ANKRD11: variants seen among roughly 807,000 people sequenced by gnomAD.
ANKRD11 encodes the protein ankyrin repeat domain 11, also known as ankyrin repeat domain-containing protein 11.
Under a neutral mutation model 195.7 loss-of-function variants are expected in ANKRD11, and 17 were observed. The observed-to-expected ratio is 0.09, with a 90% CI of 0.06 to 0.13. The LOEUF is 0.13. Among genes scored for constraint, ANKRD11 ranks in the 10% least tolerant of loss-of-function variants. The pLI, the probability that ANKRD11 is intolerant of heterozygous loss-of-function variation, is 1.00. For synonymous variants in ANKRD11, 1,953 were observed against 1,528.1 expected (o/e 1.28, Z -6.49); for missense variants, 3,735 against 3,566.1 (o/e 1.05, Z -1.21).
At chr16:89,481,220 A>G (rs575502341) in intron 1 of ANKRD11, among the ~76,000 whole-genome samples, 1 of 152,106 alleles carries the variant, frequency 6.6e-6, no homozygotes, top group Non-Finnish European at 1.5e-5. Context: ...TCACCTACAC[A>G]GTGTGCTTTC....
Position 89,279,245 on chromosome 16 carries a change from C to T in ANKRD11, c.7297G>A (p.Asp2433Asn). The change falls in exon 9 of 13, where the codon GAC (aspartate) becomes AAC (asparagine). Residue 2433 changes from aspartate (D) to asparagine (N), a missense_variant. Coordinates refer to ENST00000301030, the MANE Select transcript of ANKRD11 (RefSeq NM_013275.6). The surrounding 1 kb of genome is among the most constrained non-coding windows in gnomAD (Gnocchi z 5.6). ...TATTCGAAGTAGGGGTTGGCCCTGT[C>T]GCTGTGGTAGGGCTCGATGGCATCC... is the stretch of plus-strand genomic sequence containing the variant. Reference protein sequence around the residue: ...KLDAIEPYHSDRANPYFEYLQ... With the variant: ...KLDAIEPYHSNRANPYFEYLQ... 6.2e-7 allele frequency: 1 copy of T among 1,611,884 alleles called. No individual in the cohort carries two copies. Among genetic ancestry groups the T allele is most frequent in the Non-Finnish European group, 8.5e-7 (1 of 1,179,698 alleles).
At position 89,403,406 on chromosome 16, in the gene ANKRD11, C is replaced by A. The variant is rs532478218; in HGVS notation, c.-60+14878G>T. Among the ~76,000 whole-genome samples, 5 of 152,278 alleles carry A rather than the reference C, an allele frequency of 3.3e-5. No homozygotes were observed. The South Asian group carries it at 1.0e-3, about 32-fold the overall frequency. On this transcript the variant is annotated intron_variant, in intron 2 of 12. Transcript: ENST00000301030. The stretch of plus-strand genomic sequence containing the variant: ...AGGATAGGAAGCAGCAGAGCACACG[C>A]AGGTGAGGGCAGAGCGGGGAACCCA...
At chr16:89,302,578 G>C (rs192589567) in intron 4 of ANKRD11, among the ~76,000 whole-genome samples, 69 of 152,202 alleles carry the variant, frequency 4.5e-4, no homozygotes, top group African/African-American at 1.6e-3. Flanking sequence ...AGAGGGTCCT[G>C]GTTAAAATGC....
In ANKRD11 at chr16:89,290,681, C is replaced by T. The variant is rs1395115315; in HGVS notation, c.545G>A (p.Arg182Gln). 2.5e-6 allele frequency: 4 copies of T among 1,613,926 alleles called. No homozygotes were observed. Among genetic ancestry groups the T allele is most frequent in the Non-Finnish European group, 3.4e-6 (4 of 1,180,006 alleles). The change falls in exon 6 of 13, where the codon CGG becomes CAG. Residue 182 changes from arginine to glutamine, a missense_variant. Coordinates refer to ENST00000301030, the MANE Select transcript of ANKRD11 (RefSeq NM_013275.6). The part of the protein sequence containing the change: ...LHRAAIRGDA[R>Q]RIKELISEGA... ...CTCGCTGATGAGCTCTTTGATGCGC[C>T]GGGCGTCCCCGCGGATGGCGGCTCG... is the stretch of plus-strand genomic sequence containing the variant.
intron 2 of ANKRD11, among the ~76,000 whole-genome samples, chr16:89,405,566 T>C (rs912264776): frequency 5.3e-5 from 8 of 151,548 alleles, no homozygotes; most frequent in Admixed American, 2.6e-4. Flanking sequence ...ACTCCTGGGT[T>C]GCAGCAATCC....
chr16:89,376,311 G>C (rs2040421492), intron 2 of ANKRD11, among the ~76,000 whole-genome samples: 1 of 152,210 alleles, frequency 6.6e-6, no homozygotes, highest in African/African-American at 2.4e-5. Flanking sequence ...GACAGTTTTA[G>C]AACGTTTGGC....
At chr16:89,312,449 C>T (rs1163610030) in intron 3 of ANKRD11, among the ~76,000 whole-genome samples, 1 of 152,126 alleles carries the variant, frequency 6.6e-6, no homozygotes, top group Non-Finnish European at 1.5e-5. Flanking sequence ...GGGGGAAGCC[C>T]AACTGTCAGG....
At chr16:89,391,835 A>G (rs2041212807) in intron 2 of ANKRD11, among the ~76,000 whole-genome samples, 1 of 152,246 alleles carries the variant, frequency 6.6e-6, no homozygotes, top group Non-Finnish European at 1.5e-5. Context: ...CTGTACTGAC[A>G]TTCTTAAATA....
chr16:89,315,542 C>T (rs1777101435), intron 3 of ANKRD11, among the ~76,000 whole-genome samples: 1 of 152,258 alleles, frequency 6.6e-6, no homozygotes, highest in South Asian at 2.1e-4. Flanking sequence ...ACACGTGTGT[C>T]CCCGCCTGTG....
At chr16:89,313,653 A>G in intron 3 of ANKRD11, 2 of 1,251,562 alleles carry the variant, frequency 1.6e-6, no homozygotes, top group Non-Finnish European at 2.1e-6. Context: ...TTATGGTAGA[A>G]GACTGAGCAG....
intron 1 of ANKRD11, among the ~76,000 whole-genome samples, chr16:89,442,530 A>G (rs1459428554): frequency 6.6e-6 from 1 of 152,122 alleles, no homozygotes; most frequent in African/African-American, 2.4e-5. Flanking sequence ...CTCTCTCTCA[A>G]TACCCCTAGA....
intron 1 of ANKRD11, among the ~76,000 whole-genome samples, chr16:89,466,398 C>T (rs151279645): frequency 2.0e-5 from 3 of 152,244 alleles, no homozygotes; most frequent in African/African-American, 7.2e-5. Flanking sequence ...TGGAAACTTG[C>T]TGGAATGTGA....
chr16:89,443,877 T>G (rs2043650461), intron 1 of ANKRD11, among the ~76,000 whole-genome samples: 1 of 152,084 alleles, frequency 6.6e-6, no homozygotes. Flanking sequence ...GGGCTTGTCT[T>G]GGAGGAAAGT....
intron 2 of ANKRD11, among the ~76,000 whole-genome samples, chr16:89,391,205 G>A (rs2041180067): frequency 6.7e-6 from 1 of 149,714 alleles, no homozygotes; most frequent in South Asian, 2.1e-4. Flanking sequence ...TCCAGCCTGG[G>A]CGACAGAGCG....
intron 7 of ANKRD11, 102 bp downstream of exon 7, chr16:89,288,426 G>A (rs757337345): frequency 1.9e-6 from 3 of 1,568,186 alleles, no homozygotes; most frequent in Non-Finnish European, 2.6e-6. Flanking sequence ...TCGCTTTCCT[G>A]TGCCCCACAT....
intron 2 of ANKRD11, among the ~76,000 whole-genome samples, chr16:89,407,852 C>CAAAAAAAA (rs60723753): frequency 9.0e-6 from 1 of 111,440 alleles, no homozygotes; most frequent in African/African-American, 3.3e-5. Context: ...TGTCTCCCTC[C>CAAAAAAAA]AAAAAAAAAA....
intron 1 of ANKRD11, among the ~76,000 whole-genome samples, chr16:89,457,004 G>GGCTGGAGTGCAGTGGC (rs1356456514): frequency 2.7e-4 from 39 of 145,808 alleles, no homozygotes; most frequent in African/African-American, 9.3e-4. Flanking sequence ...CTGTCGCCCA[G>GGCTGGAGTGCAGTGGC]GCTGGAGTGC....
At chr16:89,407,432 C>A (rs1816279152) in intron 2 of ANKRD11, among the ~76,000 whole-genome samples, 1 of 152,176 alleles carries the variant, frequency 6.6e-6, no homozygotes, top group Admixed American at 6.5e-5. Context: ...CCCTTCCCAG[C>A]ATTTCCTGCC....
At position 89,291,188 on chromosome 16, in the gene ANKRD11, G is replaced by C. The variant is rs1303795065; in HGVS notation, c.227-5C>G. ...TCCGCTCAGGGCCCTGCTTCTCTGT[G>C]AGGCGGGCGAGGGAGAGAGGGAGGA... On this transcript the variant is annotated splice_polypyrimidine_tract_variant and splice_region_variant and intron_variant, in intron 4 of 12. Transcript: ENST00000301030. The surrounding 1 kb of genome is among the most constrained non-coding windows in gnomAD (Gnocchi z 5.3). 5.6e-6 allele frequency: 9 copies of C among 1,613,076 alleles called. No individual in the cohort carries two copies. The highest frequency in any genetic ancestry group is 3.3e-5 in the Admixed American group (2 of 59,998).
Sources: allele counts gnomAD v4.1 joint callset (sites outside exome capture counted in the v4.1 genomes callset), GRCh38; gene constraint gnomAD v4.1.1; non-coding constraint Gnocchi (gnomAD v3.1); transcripts MANE v1.5; gene names NCBI Gene and HGNC (gene_info 2026-07-23, HGNC 2026-07-21).